The following CCDC148 variants were observed in gnomAD, a reference collection of about 807,000 sequenced individuals.
CCDC148 encodes the protein coiled-coil domain-containing protein 148.
Under a neutral mutation model 85.7 loss-of-function variants are expected in CCDC148, and 89 were observed. The ratio of observed to expected loss-of-function variants is 1.04; its 90% CI spans 0.87 to 1.24. The LOEUF (loss-of-function observed/expected upper bound fraction) is 1.24, where lower values mean the gene tolerates loss of function less well. Among genes scored for constraint, CCDC148 ranks in the 50% most tolerant of loss-of-function variants. The pLI, the probability that CCDC148 is intolerant of heterozygous loss-of-function variation, is 0.00. For synonymous variants in CCDC148, 230 were observed against 213.9 expected, an observed-to-expected ratio of 1.08 and a Z score of -0.66; for missense variants, 692 against 671.7, an observed-to-expected ratio of 1.03 and a Z score of -0.33.
chr2:158,224,379 G>A (rs1378411533), intron 10 of CCDC148, among the ~76,000 whole-genome samples: 1 of 152,192 alleles, frequency 6.6e-6, no homozygotes, highest in Non-Finnish European at 1.5e-5. Flanking sequence ...GAAACAAGTT[G>A]GAAAACACTC....
At chr2:158,314,230 T>C (rs894650208) in intron 7 of CCDC148, among the ~76,000 whole-genome samples, 2 of 152,180 alleles carry the variant, frequency 1.3e-5, no homozygotes, top group African/African-American at 2.4e-5. Context: ...AAAATAATTA[T>C]ATATACAGAT....
intron 9 of CCDC148, among the ~76,000 whole-genome samples, chr2:158,281,991 G>A (rs977939931): frequency 7.2e-5 from 11 of 151,816 alleles, no homozygotes; most frequent in African/African-American, 2.7e-4. Flanking sequence ...ATCAATAAAT[G>A]TAATCCAGCA....
chr2:158,357,194 C>T (rs1683698451), intron 2 of CCDC148, among the ~76,000 whole-genome samples: 1 of 149,494 alleles, frequency 6.7e-6, no homozygotes, highest in African/African-American at 2.5e-5. Context: ...CTAACCTGCA[C>T]TATGTGCACA....
At chr2:158,423,306 C>T (rs1686898447) in intron 1 of CCDC148, among the ~76,000 whole-genome samples, 1 of 152,144 alleles carries the variant, frequency 6.6e-6, no homozygotes, top group Admixed American at 6.6e-5. Flanking sequence ...AAGCTGGAGG[C>T]ATCATGCTAC....
intron 3 of CCDC148, among the ~76,000 whole-genome samples, chr2:158,342,779 C>T (rs898134242): frequency 2.6e-5 from 4 of 152,130 alleles, no homozygotes; most frequent in African/African-American, 4.8e-5. Context: ...TCTGGGCAAA[C>T]GAGCACACAA....
chr2:158,406,248 C>T (rs1394175253), intron 1 of CCDC148, among the ~76,000 whole-genome samples: 1 of 152,080 alleles, frequency 6.6e-6, no homozygotes, highest in Admixed American at 6.6e-5. Flanking sequence ...AAAGGCTGTC[C>T]ACATCCCCTC....
In CCDC148 at chr2:158,325,859, C is replaced by T. The variant is rs1212442111; in HGVS notation, c.765-11965G>A. Reference sequence around the variant, plus strand: ...CTGTCAACAGGTGCTGTTGGCTCTGCCTTTAAAATATATCCAAGAGCTGAA... The same window carrying T: ...CTGTCAACAGGTGCTGTTGGCTCTGTCTTTAAAATATATCCAAGAGCTGAA... On this transcript the variant is annotated intron_variant, in intron 7 of 13. Coordinates refer to ENST00000283233, the MANE Select transcript of CCDC148 (RefSeq NM_138803.4). Among the ~76,000 whole-genome samples, 38 of 152,124 alleles carry T rather than the reference C, an allele frequency of 2.5e-4. 1 individual carries two copies. The highest frequency in any genetic ancestry group is 2.9e-5 in the Non-Finnish European group (2 of 68,016).
At chr2:158,325,088 G>GA (rs58238350) in intron 7 of CCDC148, among the ~76,000 whole-genome samples, 59,754 of 142,840 alleles carry the variant, frequency 0.42, 12,607 homozygotes, top group South Asian at 0.61. Context: ...TCTCCTATTT[G>GA]AAAAAAAAAA....
intron 7 of CCDC148, among the ~76,000 whole-genome samples, chr2:158,327,232 A>G (rs1692824408): frequency 6.6e-6 from 1 of 152,186 alleles, no homozygotes; most frequent in Admixed American, 6.5e-5. Context: ...GATCTGCTCT[A>G]TAGAAAAGAT....
chr2:158,429,191 C>T (rs951915663), intron 1 of CCDC148, among the ~76,000 whole-genome samples: 4 of 151,932 alleles, frequency 2.6e-5, no homozygotes, highest in African/African-American at 7.3e-5. Context: ...ATGTACATGA[C>T]GAGTTAATGG....
At chr2:158,394,395 G>A (rs1363575758) in intron 1 of CCDC148, among the ~76,000 whole-genome samples, 3 of 151,932 alleles carry the variant, frequency 2.0e-5, no homozygotes, top group South Asian at 2.1e-4. Context: ...AAAGAAAATA[G>A]AACTATTCTG....
At chr2:158,292,430 T>C (rs549932558) in intron 9 of CCDC148, among the ~76,000 whole-genome samples, 1 of 152,324 alleles carries the variant, frequency 6.6e-6, no homozygotes, top group East Asian at 1.9e-4. Context: ...AATTCCTCCA[T>C]TATCACACAG....
intron 7 of CCDC148, among the ~76,000 whole-genome samples, chr2:158,335,576 C>T (rs1295755254): frequency 6.6e-6 from 1 of 152,066 alleles, no homozygotes; most frequent in Non-Finnish European, 1.5e-5. Context: ...TGGTGGCAGG[C>T]AAGAGAGCTT....
intron 1 of CCDC148, among the ~76,000 whole-genome samples, chr2:158,389,823 C>T (rs1685232862): frequency 6.6e-6 from 1 of 152,214 alleles, no homozygotes; most frequent in African/African-American, 2.4e-5. Context: ...ATTAGGCTTA[C>T]ACTTCCTTTG....
chr2:158,196,863 G>T (rs1037681937), intron 11 of CCDC148, among the ~76,000 whole-genome samples: 3 of 152,054 alleles, frequency 2.0e-5, no homozygotes. Context: ...GATAGTAGCT[G>T]GGCAGTTACT....
At chr2:158,299,124 G>A (rs1044957262) in intron 9 of CCDC148, among the ~76,000 whole-genome samples, 3 of 152,044 alleles carry the variant, frequency 2.0e-5, no homozygotes, top group Non-Finnish European at 4.4e-5. Flanking sequence ...TACCCCTACG[G>A]CATGGCCTTT....
chr2:158,356,267 A>G (rs1262365941), intron 2 of CCDC148, among the ~76,000 whole-genome samples: 2 of 143,892 alleles, frequency 1.4e-5, no homozygotes, highest in Non-Finnish European at 3.0e-5. Flanking sequence ...GCACAGCAAA[A>G]GAAACTACCA....
At chr2:158,202,777 A>G (rs1686035375) in intron 11 of CCDC148, among the ~76,000 whole-genome samples, 1 of 152,110 alleles carries the variant, frequency 6.6e-6, no homozygotes, top group African/African-American at 2.4e-5. Flanking sequence ...CCATTTAAAC[A>G]TGCAAAAACA....
At chr2:158,202,810 C>T (rs536987529) in intron 11 of CCDC148, among the ~76,000 whole-genome samples, 5 of 147,684 alleles carry the variant, frequency 3.4e-5, no homozygotes, top group African/African-American at 1.3e-4. Context: ...GCAGGCAATA[C>T]AAAAAACAGG....
Sources: allele counts gnomAD v4.1 joint callset (sites outside exome capture counted in the v4.1 genomes callset), GRCh38; gene constraint gnomAD v4.1.1; transcripts MANE v1.5; gene names NCBI Gene and HGNC (gene_info 2026-07-23, HGNC 2026-07-21).